Variants in DPP6 observed in about 807,000 individuals in gnomAD.
The protein encoded by DPP6 is dipeptidyl peptidase like 6.
DPP6 carries 69 observed loss-of-function variants against 122.6 expected under a neutral mutation model. The observed-to-expected ratio is 0.56, with a 90% CI of 0.46 to 0.69. DPP6 has a LOEUF of 0.69. DPP6 is among the 30% of genes least tolerant of loss of function. The pLI is 0.00. For missense variants in DPP6, 928 were observed against 1,116.9 expected, an observed-to-expected ratio of 0.83 and a Z score of 2.41; for synonymous variants, 418 against 433.1, an observed-to-expected ratio of 0.97 and a Z score of 0.43.
intron 1 of DPP6, among the ~76,000 whole-genome samples, chr7:154,202,396 G>A (rs146002455): frequency 2.3e-4 from 35 of 152,250 alleles, no homozygotes; most frequent in African/African-American, 7.7e-4. Context: ...TAAGGATGCC[G>A]AACACATTCA....
the DPP6 span, among the ~76,000 whole-genome samples, chr7:153,819,111 G>A: frequency 8.4e-6 from 1 of 119,174 alleles, no homozygotes; most frequent in East Asian, 2.4e-4. Flanking sequence ...AAGCTCAGAG[G>A]TGCATGTGCA....
At chr7:154,688,771 G>T (rs962006080) in intron 7 of DPP6, among the ~76,000 whole-genome samples, 2 of 152,014 alleles carry the variant, frequency 1.3e-5, no homozygotes. Context: ...CCCGATTAAG[G>T]GTGCATCTGC....
At chr7:154,454,252 C>T (rs1185977120) in intron 2 of DPP6, among the ~76,000 whole-genome samples, 1 of 152,232 alleles carries the variant, frequency 6.6e-6, no homozygotes, top group Non-Finnish European at 1.5e-5. Flanking sequence ...TCACACCCAT[C>T]TGCAGCGGAC....
intron 1 of DPP6, among the ~76,000 whole-genome samples, chr7:154,062,013 C>CT (rs1247313476): frequency 1.3e-4 from 12 of 95,254 alleles, no homozygotes; most frequent in African/African-American, 4.6e-4. Context: ...ACCCCCATCG[C>CT]AGGGGGGGGG....
intron 1 of DPP6, among the ~76,000 whole-genome samples, chr7:154,168,002 G>C (rs1250891851): frequency 1.3e-5 from 2 of 152,182 alleles, no homozygotes; most frequent in Admixed American, 1.3e-4. Context: ...CTCATTTGGA[G>C]GTTTTGTCAG....
chr7:154,225,740 AACTTT>A lies in DPP6; in HGVS notation c.243+172678_243+172682del, dbSNP rs1585676087. Among the ~76,000 whole-genome samples the A allele has an allele frequency of 5.3e-5, 8 of 152,278 alleles. No individual in the cohort carries two copies. The East Asian group carries it at 1.5e-3, about 29-fold the overall frequency. On this transcript the variant is annotated intron_variant, in intron 1 of 25. Transcript: ENST00000377770. ...TATTTAAAGAACAGAGACATTTACT[AACTTT>A]TCTAAAGTTACTGGAGGCAGGATGT...
chr7:153,877,490 G>A, the DPP6 span, among the ~76,000 whole-genome samples: 2 of 152,086 alleles, frequency 1.3e-5, no homozygotes, highest in Non-Finnish European at 2.9e-5. Flanking sequence ...CCAAAAACTC[G>A]TGAGAACTGC....
At position 153,982,586 on chromosome 7, in the gene DPP6, T is replaced by G. The variant is rs562278969; in HGVS notation, c.51+94852T>G. On this transcript the variant is annotated intron_variant, in intron 1 of 25. Transcript: ENST00000404039. ...TCTCCATCCAGTTTTGTTCCCTTGC[T>G]GGTGAGGAGTTGTGATCCTTTGGAG... Among the ~76,000 whole-genome samples, 140 of 152,222 alleles carry G rather than the reference T, an allele frequency of 9.2e-4. 1 individual carries two copies. The highest frequency in any genetic ancestry group is 8.2e-4 in the Non-Finnish European group (56 of 68,018).
chr7:154,857,717 C>G (rs1354113433), intron 17 of DPP6, among the ~76,000 whole-genome samples: 1 of 152,128 alleles, frequency 6.6e-6, no homozygotes. Flanking sequence ...GTGGTTGGAC[C>G]ACATCAGAGC....
chr7:154,589,670 G>A (rs1359627472), intron 5 of DPP6, among the ~76,000 whole-genome samples: 1 of 152,158 alleles, frequency 6.6e-6, no homozygotes, highest in Non-Finnish European at 1.5e-5. Context: ...AATTACATAG[G>A]CCATATGTAG....
the DPP6 span, among the ~76,000 whole-genome samples, chr7:153,773,328 A>ATTTTT: frequency 5.9e-5 from 4 of 68,292 alleles, no homozygotes; most frequent in African/African-American, 1.4e-4. Flanking sequence ...ATATATATAT[A>ATTTTT]TATTTTTTTT....
chr7:154,320,044 A>T (rs1807802683), intron 1 of DPP6, among the ~76,000 whole-genome samples: 1 of 149,884 alleles, frequency 6.7e-6, no homozygotes. Flanking sequence ...AACATGAACT[A>T]CTATGTAATT....
chr7:153,903,604 A>G (rs946987220), intron 1 of DPP6, among the ~76,000 whole-genome samples: 6 of 152,206 alleles, frequency 3.9e-5, no homozygotes, highest in African/African-American at 1.4e-4. Context: ...ACTCTTCAAC[A>G]TATAAACAAT....
intron 8 of DPP6, among the ~76,000 whole-genome samples, chr7:154,742,652 G>C (rs1290756551): frequency 6.6e-6 from 1 of 152,252 alleles, no homozygotes; most frequent in Non-Finnish European, 1.5e-5. Flanking sequence ...CAGGGAAAAA[G>C]TTGATCATTA....
intron 3 of DPP6, chr7:154,475,662 C>G (rs1405131928): frequency 2.0e-5 from 3 of 153,120 alleles, no homozygotes; most frequent in Non-Finnish European, 4.4e-5. Context: ...TGTGTTGGTT[C>G]ATAACATAAT....
At chr7:153,985,131 CT>C (rs1196090998) in intron 1 of DPP6, among the ~76,000 whole-genome samples, 1 of 152,192 alleles carries the variant, frequency 6.6e-6, no homozygotes, top group Non-Finnish European at 1.5e-5. Flanking sequence ...TGTGATGTGT[CT>C]TTCTATTTTC....
At chr7:154,704,859 T>G (rs1351292690) in intron 7 of DPP6, among the ~76,000 whole-genome samples, 1 of 152,234 alleles carries the variant, frequency 6.6e-6, no homozygotes, top group African/African-American at 2.4e-5. Context: ...GTTGGTGGTC[T>G]GGGACTGAAC....
At position 154,061,960 on chromosome 7, in the gene DPP6, TGGGGACTGAGAGCTATC is replaced by T. The variant is rs2129073501; in HGVS notation, c.243+8898_243+8914del. On this transcript the variant is annotated intron_variant, in intron 1 of 25. Transcript: ENST00000377770. Reference sequence around the variant, plus strand: ...GGAGGGGGAGGCAACCCTGCGAGGGTGGGGACTGAGAGCTATCCCCTCTTCCGCCCCTGGCTGTTGGT... The same window carrying T: ...GGAGGGGGAGGCAACCCTGCGAGGGTCCCTCTTCCGCCCCTGGCTGTTGGT... 1.8e-5 allele frequency among the ~76,000 whole-genome samples: 2 copies of T among 108,592 alleles called. 1 individual carries two copies. The highest frequency in any genetic ancestry group is 7.2e-5 in the African/African-American group (2 of 27,928). 71.2% of individuals were successfully genotyped at this position (108,592 alleles called of 152,430 possible). A position where few individuals can be genotyped will look rare whatever the true frequency, so the allele number is the denominator to read the frequency against.
At chr7:154,883,126 C>T (rs1805552010) in intron 21 of DPP6, among the ~76,000 whole-genome samples, 1 of 151,122 alleles carries the variant, frequency 6.6e-6, no homozygotes, top group Non-Finnish European at 1.5e-5. Context: ...TGTGCTCACA[C>T]ATACACACAC....
Sources: allele counts gnomAD v4.1 joint callset (sites outside exome capture counted in the v4.1 genomes callset), GRCh38; gene constraint gnomAD v4.1.1; transcripts MANE v1.5; gene names NCBI Gene and HGNC (gene_info 2026-07-23, HGNC 2026-07-21).